SNX29: variants seen among roughly 807,000 people sequenced by gnomAD.
SNX29 encodes sorting nexin-29.
SNX29 carries 78 observed loss-of-function variants against 102.1 expected under a neutral mutation model. That is an observed-to-expected ratio of 0.76 (90% CI 0.64 to 0.92). The LOEUF (loss-of-function observed/expected upper bound fraction) is 0.92. Among genes scored for constraint, SNX29 ranks in the 40% least tolerant of loss-of-function variants. SNX29 has a pLI of 0.00. For missense variants in SNX29, 1,280 were observed against 1,061.7 expected, an observed-to-expected ratio of 1.21 and a Z score of -2.86; for synonymous variants, 580 against 414.5, an observed-to-expected ratio of 1.40 and a Z score of -4.85.
At chr16:12,500,111 C>T (rs1322976528) in intron 19 of SNX29, among the ~76,000 whole-genome samples, 1 of 152,198 alleles carries the variant, frequency 6.6e-6, no homozygotes, top group East Asian at 1.9e-4. Flanking sequence ...CCTACCTCAG[C>T]CTCCTGAGCA....
At chr16:12,167,545 G>T (rs1198462836) in intron 13 of SNX29, among the ~76,000 whole-genome samples, 1 of 152,160 alleles carries the variant, frequency 6.6e-6, no homozygotes, top group Non-Finnish European at 1.5e-5. Flanking sequence ...CCAGGGTTGG[G>T]AGGTGCAATC....
intron 19 of SNX29, among the ~76,000 whole-genome samples, chr16:12,498,504 A>G (rs1297587755): frequency 1.3e-5 from 2 of 152,256 alleles, no homozygotes; most frequent in Admixed American, 1.3e-4. Flanking sequence ...GTGCATATCA[A>G]GGAGAACACC....
At chr16:12,553,324 A>G (rs4781252) in intron 20 of SNX29, among the ~76,000 whole-genome samples, 62,314 of 152,132 alleles carry the variant, frequency 0.41, 13,866 homozygotes, top group East Asian at 0.85. Flanking sequence ...GAAACGCCCT[A>G]ACAAGGCAGG....
At chr16:12,232,021 C>T (rs969835347) in intron 14 of SNX29, among the ~76,000 whole-genome samples, 4 of 152,074 alleles carry the variant, frequency 2.6e-5, no homozygotes, top group Admixed American at 6.6e-5. Context: ...TTAATGGATT[C>T]GTAAGTTCTC....
chr16:12,030,344 G>A (rs1020706154), intron 4 of SNX29, among the ~76,000 whole-genome samples: 4 of 152,116 alleles, frequency 2.6e-5, no homozygotes, highest in African/African-American at 9.7e-5. Context: ...GTACAGCACG[G>A]GCTTGTCAGT....
chr16:12,406,524 C>T (rs959008919), intron 18 of SNX29, among the ~76,000 whole-genome samples: 1 of 152,242 alleles, frequency 6.6e-6, no homozygotes, highest in African/African-American at 2.4e-5. Context: ...ATGTAGCTTT[C>T]TCAGGAGAGC....
chr16:11,998,132 C>T (rs1452143331), intron 1 of SNX29, among the ~76,000 whole-genome samples: 1 of 152,224 alleles, frequency 6.6e-6, no homozygotes, highest in African/African-American at 2.4e-5. Context: ...TGCTGCTACT[C>T]TCTGGTGCAG....
chr16:12,217,977 A>G lies in SNX29; in HGVS notation c.1678+18294A>G, dbSNP rs143267992. 3.2e-3 allele frequency among the ~76,000 whole-genome samples: 485 copies of G among 152,344 alleles called. 3 individuals carry two copies. Among genetic ancestry groups the G allele is most frequent in the Admixed American group, 3.9e-3 (60 of 15,298 alleles). ...ACAATAAAATTTTTCTTGGTTTCCC[A>G]TGACTTGTTATCACTTTTCCCACCT... On this transcript the variant is annotated intron_variant, in intron 14 of 20. Coordinates refer to ENST00000566228, the MANE Select transcript of SNX29 (RefSeq NM_032167.5).
chr16:12,285,899 A>G (rs1397117539), intron 15 of SNX29, among the ~76,000 whole-genome samples: 1 of 152,220 alleles, frequency 6.6e-6, no homozygotes, highest in Non-Finnish European at 1.5e-5. Context: ...TCTGTTGCCC[A>G]GGCTGGAGTG....
At chr16:12,189,936 A>G (rs968518837) in intron 13 of SNX29, among the ~76,000 whole-genome samples, 5 of 152,070 alleles carry the variant, frequency 3.3e-5, no homozygotes, top group African/African-American at 9.7e-5. Flanking sequence ...TCCCAGTCCA[A>G]CATCACCATT....
At chr16:12,216,171 T>C (rs1166220705) in intron 14 of SNX29, among the ~76,000 whole-genome samples, 1 of 152,168 alleles carries the variant, frequency 6.6e-6, no homozygotes, top group Non-Finnish European at 1.5e-5. Flanking sequence ...TTAAAGAAGA[T>C]AGACACAAGA....
At chr16:12,491,696 C>T (rs2088556634) in intron 19 of SNX29, among the ~76,000 whole-genome samples, 2 of 151,514 alleles carry the variant, frequency 1.3e-5, no homozygotes, top group Non-Finnish European at 2.9e-5. Context: ...AACCCCACAA[C>T]AGTCCCCGGT....
chr16:12,322,510 T>C (rs2151180198), intron 15 of SNX29, among the ~76,000 whole-genome samples: 1 of 152,340 alleles, frequency 6.6e-6, no homozygotes, highest in South Asian at 2.1e-4. Flanking sequence ...TGTTTGTTTG[T>C]AGTGTACATA....
chr16:12,288,164 C>T (rs1408902223), intron 15 of SNX29, among the ~76,000 whole-genome samples: 2 of 152,084 alleles, frequency 1.3e-5, no homozygotes, highest in Admixed American at 6.6e-5. Context: ...GACTTGACTC[C>T]AGAGGCGGGA....
intron 14 of SNX29, among the ~76,000 whole-genome samples, chr16:12,222,696 G>A (rs1015318938): frequency 5.3e-5 from 8 of 152,100 alleles, no homozygotes; most frequent in African/African-American, 1.9e-4. Context: ...AGCCTCTTGG[G>A]TAGCTAGGAC....
chr16:12,187,598 G>C (rs1880168970), intron 13 of SNX29, among the ~76,000 whole-genome samples: 1 of 151,300 alleles, frequency 6.6e-6, no homozygotes, highest in Non-Finnish European at 1.5e-5. Flanking sequence ...CTCTCCATCT[G>C]CTGCTCTGTA....
chr16:12,189,997 T>C (rs2076602855), intron 13 of SNX29, among the ~76,000 whole-genome samples: 1 of 152,224 alleles, frequency 6.6e-6, no homozygotes, highest in African/African-American at 2.4e-5. Flanking sequence ...AATAACAAGA[T>C]ACCTGGCTCC....
At chr16:12,192,699 CATTTATTT>C (rs887667598) in intron 13 of SNX29, among the ~76,000 whole-genome samples, 3 of 151,494 alleles carry the variant, frequency 2.0e-5, no homozygotes, top group Admixed American at 6.6e-5. Flanking sequence ...AATTTTATTT[CATTTATTT>C]ATTTATTTAT....
rs922146886 is a variant in SNX29, at chr16:12,572,500, G to A, written c.*3871G>A. The A allele has an allele frequency of 1.9e-6, 2 of 1,063,716 alleles. No individual in the cohort carries two copies. The highest frequency in any genetic ancestry group is 1.6e-5 in the African/African-American group (1 of 60,946). 65.9% of individuals were successfully genotyped at this position (1,063,716 alleles called of 1,614,324 possible). On this transcript the variant is annotated 3_prime_UTR_variant, in exon 21 of 21. Transcript: ENST00000566228. Reference sequence around the variant, plus strand: ...CCAGTTCTTGGGGTTCCAGGCCTCGGCCTTCCTGCTCCACGTGCTCAAGCC... The same window carrying A: ...CCAGTTCTTGGGGTTCCAGGCCTCGACCTTCCTGCTCCACGTGCTCAAGCC...
Sources: allele counts gnomAD v4.1 joint callset (sites outside exome capture counted in the v4.1 genomes callset), GRCh38; gene constraint gnomAD v4.1.1; transcripts MANE v1.5; gene names NCBI Gene and HGNC (gene_info 2026-07-23, HGNC 2026-07-21).